Variants in TRPC5 observed in about 807,000 individuals in gnomAD.
TRPC5 encodes the protein short transient receptor potential channel 5.
A neutral mutation model predicts 56.5 loss-of-function variants in TRPC5; 9 were observed. The observed-to-expected ratio is 0.16, with a 90% CI of 0.10 to 0.28. The LOEUF (loss-of-function observed/expected upper bound fraction) is 0.28, where lower values mean the gene tolerates loss of function less well. Among genes scored for constraint, TRPC5 ranks in the 10% least tolerant of loss-of-function variants. The pLI is 1.00. For missense variants in TRPC5, 469 were observed against 748.9 expected, an observed-to-expected ratio of 0.63 and a Z score of 4.36; for synonymous variants, 282 against 278.5, an observed-to-expected ratio of 1.01 and a Z score of -0.13.
Position 111,768,529 on chromosome X carries a change from A to T in TRPC5, c.*7784T>A, listed in dbSNP as rs1945826098. Among the ~76,000 whole-genome samples the T allele has an allele frequency of 8.9e-6, 1 of 111,994 alleles. No individual in the cohort carries two copies. Among genetic ancestry groups the T allele is most frequent in the Non-Finnish European group, 1.9e-5 (1 of 53,146 alleles). On this transcript the variant is annotated 3_prime_UTR_variant, in exon 11 of 11. Coordinates refer to ENST00000262839, the MANE Select transcript of TRPC5 (RefSeq NM_012471.3). ...CTGTTGAATAGTACCTCTGGTGTGC[A>T]TTCCTATTATAAGAAACAAACTAAA... is the stretch of plus-strand genomic sequence containing the variant.
intron 7 of TRPC5, among the ~76,000 whole-genome samples, chrX:111,800,414 G>A (rs112673153): frequency 8.4e-4 from 94 of 111,320 alleles, no homozygotes; most frequent in Middle Eastern, 9.4e-3. Flanking sequence ...GGTGGATCAC[G>A]AGGTCAGGAG....
intron 7 of TRPC5, among the ~76,000 whole-genome samples, chrX:111,789,684 T>G (rs951944350): frequency 8.9e-6 from 1 of 111,938 alleles, no homozygotes; most frequent in African/African-American, 3.2e-5. Flanking sequence ...AGGGCTAATA[T>G]CCAGAATCTA....
intron 1 of TRPC5, among the ~76,000 whole-genome samples, chrX:112,037,869 T>G (rs768675450): frequency 1.8e-5 from 2 of 112,176 alleles, no homozygotes; most frequent in South Asian, 3.7e-4. Context: ...ACTGCAAAGA[T>G]GCATTGTGGG....
intron 1 of TRPC5, among the ~76,000 whole-genome samples, chrX:112,074,063 A>C (rs1930777475): frequency 9.0e-6 from 1 of 111,220 alleles, no homozygotes; most frequent in African/African-American, 3.3e-5. Context: ...ACTCATTTCA[A>C]CTTCACAGTA....
chrX:111,949,932 G>T (rs1195133742), intron 2 of TRPC5, among the ~76,000 whole-genome samples: 3 of 111,719 alleles, frequency 2.7e-5, no homozygotes, highest in African/African-American at 9.8e-5. Context: ...TTGCAAAAAC[G>T]TGGAACCAAC....
chrX:111,859,601 T>G (rs1215263081), intron 3 of TRPC5, among the ~76,000 whole-genome samples: 2 of 112,220 alleles, frequency 1.8e-5, no homozygotes, highest in East Asian at 5.6e-4. Context: ...TCATTTCTTA[T>G]TAAGGTTTTA....
At chrX:111,966,294 C>G (rs1927572603) in intron 1 of TRPC5, among the ~76,000 whole-genome samples, 1 of 111,885 alleles carries the variant, frequency 8.9e-6, no homozygotes, top group African/African-American at 3.3e-5. Context: ...AGTTGAACCT[C>G]TGAATAGACC....
chrX:112,074,943 C>T (rs1025420511), intron 1 of TRPC5, among the ~76,000 whole-genome samples: 2 of 112,222 alleles, frequency 1.8e-5, no homozygotes, highest in African/African-American at 3.3e-5. Context: ...ATAACTGCCC[C>T]GTAACAAATG....
chrX:112,012,411 T>C (rs1473022660), intron 1 of TRPC5, among the ~76,000 whole-genome samples: 3 of 110,749 alleles, frequency 2.7e-5, no homozygotes, highest in African/African-American at 9.9e-5. Context: ...TTTTTTTTGA[T>C]GAAGTTGCAG....
chrX:111,875,572 C>CTTTT lies in TRPC5; in HGVS notation c.901-21470_901-21467dup, dbSNP rs771241425. Among the ~76,000 whole-genome samples, 434 of 70,257 alleles carry CTTTT rather than the reference C, an allele frequency of 6.2e-3. 6 individuals are homozygous for CTTTT. The highest frequency in any genetic ancestry group is 0.018 in the African/African-American group (306 of 17,197). The allele number at this position is 70,257 out of a possible 115,157, so 61.0% of individuals were successfully genotyped here. ...TCTGTGATGTTTTTCTTTTTTCTTTCTTTTTTTTTTTTTTTTTTTTTGGTG... is the reference window on the plus strand; with the variant it reads ...TCTGTGATGTTTTTCTTTTTTCTTTCTTTTTTTTTTTTTTTTTTTTTTTTTGGTG... On this transcript the variant is annotated intron_variant, in intron 3 of 10. Transcript: ENST00000262839.
intron 1 of TRPC5, among the ~76,000 whole-genome samples, chrX:112,069,910 C>G (rs758705406): frequency 1.8e-5 from 2 of 111,862 alleles, no homozygotes; most frequent in East Asian, 5.6e-4. Flanking sequence ...GAAAGGTACT[C>G]AGACTCTGTA....
At chrX:111,896,177 T>C (rs1925050873) in intron 3 of TRPC5, 1 of 111,144 alleles carries the variant, frequency 9.0e-6, no homozygotes, top group Non-Finnish European at 1.9e-5. Flanking sequence ...CCCAAAGTTA[T>C]GCTCATTTCT....
chrX:111,940,526 T>C (rs770017788), intron 2 of TRPC5, among the ~76,000 whole-genome samples: 5 of 109,252 alleles, frequency 4.6e-5, no homozygotes, highest in African/African-American at 1.7e-4. Context: ...CTGTCTCTAC[T>C]AAAACTACAA....
intron 7 of TRPC5, among the ~76,000 whole-genome samples, chrX:111,819,007 A>T (rs1921950806): frequency 8.9e-6 from 1 of 111,798 alleles, no homozygotes; most frequent in South Asian, 3.7e-4. Context: ...AAGTGAAAAA[A>T]TTTGTCTAAA....
At chrX:112,028,373 G>A (rs1225748639) in intron 1 of TRPC5, among the ~76,000 whole-genome samples, 10 of 110,667 alleles carry the variant, frequency 9.0e-5, no homozygotes, top group African/African-American at 1.3e-4. Context: ...TTTGCTGCAC[G>A]CATCAACTCA....
At chrX:111,786,916 C>T (rs964041147) in intron 7 of TRPC5, among the ~76,000 whole-genome samples, 2 of 111,405 alleles carry the variant, frequency 1.8e-5, no homozygotes, top group Non-Finnish European at 3.8e-5. Context: ...ATTCATAAAG[C>T]AAGTCCTTAG....
intron 1 of TRPC5, among the ~76,000 whole-genome samples, chrX:112,077,383 G>A (rs1429715726): frequency 8.9e-6 from 1 of 112,266 alleles, no homozygotes; most frequent in Non-Finnish European, 1.9e-5. Flanking sequence ...GTCCCTACAT[G>A]CTCAGTAGGT....
Position 111,913,822 on chromosome X carries a change from TG to T in TRPC5, c.379-1011del, listed in dbSNP as rs752356546. 1.1e-4 allele frequency among the ~76,000 whole-genome samples: 12 copies of T among 109,940 alleles called. No homozygotes were observed. The East Asian group carries it at 3.5e-3, about 32-fold the overall frequency. ...AAAAATACAAAAAATTAGCCGGGCATGGTGGCGGGCGCCTGTAGTCCCAGCT... is the reference window on the plus strand; with the variant it reads ...AAAAATACAAAAAATTAGCCGGGCATGTGGCGGGCGCCTGTAGTCCCAGCT... On this transcript the variant is annotated intron_variant, in intron 2 of 10. Coordinates refer to ENST00000262839, the MANE Select transcript of TRPC5 (RefSeq NM_012471.3).
At chrX:111,861,573 T>C (rs1041002637) in intron 3 of TRPC5, among the ~76,000 whole-genome samples, 2 of 112,276 alleles carry the variant, frequency 1.8e-5, no homozygotes, top group African/African-American at 6.5e-5. Context: ...TGGTAACTTT[T>C]AGCAACTTTT....
Sources: allele counts gnomAD v4.1 joint callset (sites outside exome capture counted in the v4.1 genomes callset), GRCh38; gene constraint gnomAD v4.1.1; transcripts MANE v1.5; gene names NCBI Gene and HGNC (gene_info 2026-07-23, HGNC 2026-07-21).